The following MAST4 variants were observed in gnomAD, a reference collection of about 807,000 sequenced individuals.
The protein encoded by MAST4 is microtubule-associated serine/threonine-protein kinase 4.
Under a neutral mutation model 162.7 loss-of-function variants are expected in MAST4, and 89 were observed. That is an observed-to-expected ratio of 0.55 (90% CI 0.46 to 0.65). MAST4 has a LOEUF of 0.65. Among genes scored for constraint, MAST4 ranks in the 30% least tolerant of loss-of-function variants. MAST4 has a pLI of 0.00. For missense variants in MAST4, 3,153 were observed against 3,374.0 expected (o/e 0.93, Z 1.62); for synonymous variants, 1,479 against 1,361.1 (o/e 1.09, Z -1.91).
intron 4 of MAST4, among the ~76,000 whole-genome samples, chr5:66,914,173 T>C (rs1763955272): frequency 6.6e-6 from 1 of 152,148 alleles, no homozygotes; most frequent in African/African-American, 2.4e-5. Context: ...TTTATTGAAA[T>C]CATATTGAAT....
chr5:66,680,023 A>C (rs1748224657), intron 1 of MAST4, among the ~76,000 whole-genome samples: 1 of 152,182 alleles, frequency 6.6e-6, no homozygotes, highest in East Asian at 1.9e-4. Flanking sequence ...TTTTGGGTAA[A>C]GACTGATCAT....
intron 3 of MAST4, among the ~76,000 whole-genome samples, chr5:66,887,532 G>A (rs1231536116): frequency 1.3e-5 from 2 of 152,214 alleles, no homozygotes; most frequent in African/African-American, 4.8e-5. Context: ...GTCCAGGGCT[G>A]GCGCCATATG....
chr5:66,982,841 G>A (rs910894919), intron 4 of MAST4, among the ~76,000 whole-genome samples: 9 of 152,192 alleles, frequency 5.9e-5, no homozygotes, highest in African/African-American at 2.2e-4. Flanking sequence ...TTGCCAGCCT[G>A]CAACCACTGT....
At position 67,162,685 on chromosome 5, in the gene MAST4, C is replaced by CAGAT; in HGVS notation, c.3865_3868dup (p.Ser1290Ter). 1.2e-6 allele frequency: 2 copies of CAGAT among 1,613,934 alleles called. No homozygotes were observed. Among genetic ancestry groups the CAGAT allele is most frequent in the Non-Finnish European group, 1.7e-6 (2 of 1,179,884 alleles). The stretch of plus-strand genomic sequence containing the variant: ...CCAGCCGAAGTTTCTCCTGCTTGAA[C>CAGAT]AGATCCCTGTCATCGGGTGAGAGCC... On this transcript the variant is annotated frameshift_variant, in exon 28 of 29. Transcript: ENST00000403625. LOFTEE classifies it high-confidence loss of function.
chr5:66,834,530 T>A (rs1485802295), intron 3 of MAST4, among the ~76,000 whole-genome samples: 5 of 152,188 alleles, frequency 3.3e-5, no homozygotes, highest in African/African-American at 1.2e-4. Flanking sequence ...TGGAGAGTAG[T>A]TCCAGATGGG....
At chr5:66,853,152 G>T (rs1185092062) in intron 3 of MAST4, among the ~76,000 whole-genome samples, 1 of 152,206 alleles carries the variant, frequency 6.6e-6, no homozygotes, top group Non-Finnish European at 1.5e-5. Flanking sequence ...TTTTGTTCAA[G>T]TCATGTTAGT....
chr5:66,794,544 C>G (rs1045459368), intron 3 of MAST4, among the ~76,000 whole-genome samples: 1 of 152,196 alleles, frequency 6.6e-6, no homozygotes, highest in Non-Finnish European at 1.5e-5. Flanking sequence ...AGAAAACAAG[C>G]ACTTTTCCCT....
intron 4 of MAST4, among the ~76,000 whole-genome samples, chr5:66,970,342 T>TA (rs1353245704): frequency 3.3e-5 from 5 of 152,166 alleles, no homozygotes; most frequent in Admixed American, 2.0e-4. Flanking sequence ...ATAATAAACT[T>TA]ACTGCAGAAA....
At chr5:67,058,513 T>A (rs867309118) in intron 5 of MAST4, among the ~76,000 whole-genome samples, 5 of 152,352 alleles carry the variant, frequency 3.3e-5, no homozygotes, top group Middle Eastern at 6.8e-3. Context: ...ACCAGTTTTT[T>A]ATTTAAATTT....
rs904651891 is a variant in MAST4, at chr5:67,152,783, G to A, written c.3442G>A (p.Gly1148Arg). 1.2e-6 allele frequency: 2 copies of A among 1,613,948 alleles called. No homozygotes were observed. Among genetic ancestry groups the A allele is most frequent in the African/African-American group, 2.7e-5 (2 of 74,936 alleles). ...TCAGCCGATTGTGATCCACAGTTCG[G>A]GGAAGAACTACGGCTTTACCATCCG... is the stretch of plus-strand genomic sequence containing the variant. Reference protein sequence around the residue: ...PHQPIVIHSSGKNYGFTIRAI... With the variant: ...PHQPIVIHSSRKNYGFTIRAI... Residue 1148 changes from glycine (G) to arginine (R), a missense_variant, in exon 25 of 29, where the codon GGG becomes AGG. Transcript: ENST00000403625.
chr5:66,732,275 A>G (rs950506853), intron 1 of MAST4, among the ~76,000 whole-genome samples: 11 of 151,874 alleles, frequency 7.2e-5, no homozygotes, highest in Admixed American at 3.9e-4. Context: ...TCTCCTTCCT[A>G]CTGCCCTTTC....
intron 4 of MAST4, among the ~76,000 whole-genome samples, chr5:66,970,077 A>G (rs1444154052): frequency 6.6e-6 from 1 of 152,182 alleles, no homozygotes; most frequent in Non-Finnish European, 1.5e-5. Flanking sequence ...GAGCCTGATT[A>G]TGAACACGGT....
At chr5:66,914,504 C>T (rs2150024872) in intron 4 of MAST4, among the ~76,000 whole-genome samples, 1 of 152,194 alleles carries the variant, frequency 6.6e-6, no homozygotes, top group South Asian at 2.1e-4. Context: ...CACATTTCTT[C>T]TAGAAAGAAC....
chr5:66,831,023 T>A (rs1169613730), intron 3 of MAST4, among the ~76,000 whole-genome samples: 2 of 152,280 alleles, frequency 1.3e-5, no homozygotes, highest in African/African-American at 4.8e-5. Context: ...ATGCATACTG[T>A]AATATATGAC....
rs371073182 is a variant in MAST4, at chr5:67,033,229, AG to A, written c.675-21174del. Among the ~76,000 whole-genome samples the A allele has an allele frequency of 1.3e-4, 19 of 151,718 alleles. No homozygotes were observed. The East Asian group carries it at 3.7e-3, about 29-fold the overall frequency. On this transcript the variant is annotated intron_variant, in intron 4 of 28. Coordinates refer to ENST00000403625, the MANE Select transcript of MAST4 (RefSeq NM_001164664.2). ...GCTGACTTGATAACACTTTTTAAAA[AG>A]TGGCAGCTATTAACATTAAAATAAC... is the stretch of plus-strand genomic sequence containing the variant.
chr5:66,734,947 C>A (rs576933475), intron 1 of MAST4, among the ~76,000 whole-genome samples: 3 of 152,286 alleles, frequency 2.0e-5, no homozygotes, highest in African/African-American at 7.2e-5. Context: ...TTCCATGCTC[C>A]ACCCTTAAGA....
chr5:66,761,187 A>G (rs1406881390), intron 2 of MAST4, among the ~76,000 whole-genome samples: 2 of 152,154 alleles, frequency 1.3e-5, no homozygotes, highest in African/African-American at 4.8e-5. Context: ...CACCTTTTCA[A>G]GTGCTTATTG....
intron 5 of MAST4, among the ~76,000 whole-genome samples, chr5:67,088,543 A>C (rs1247974565): frequency 1.3e-5 from 2 of 152,230 alleles, no homozygotes; most frequent in Non-Finnish European, 2.9e-5. Flanking sequence ...TATGAGGAGA[A>C]GTATACAAGC....
intron 3 of MAST4, among the ~76,000 whole-genome samples, chr5:66,798,999 A>C (rs563167533): frequency 6.6e-6 from 1 of 152,222 alleles, no homozygotes; most frequent in South Asian, 2.1e-4. Context: ...TAAAGTCATC[A>C]GTTAAACTTT....
Sources: gnomAD v4.1 joint callset for allele counts (sites outside exome capture counted in the v4.1 genomes callset) on GRCh38, gnomAD v4.1.1 for gene constraint, MANE v1.5 for transcripts, NCBI Gene and HGNC (gene_info 2026-07-23, HGNC 2026-07-21) for gene names.